The following TCF12 variants were observed in gnomAD, a reference collection of about 807,000 sequenced individuals.
TCF12 encodes the protein transcription factor 12, also known as DNA-binding protein HTF4.
A neutral mutation model predicts 86.0 loss-of-function variants in TCF12; 45 were observed. The ratio of observed to expected loss-of-function variants is 0.52; its 90% CI spans 0.41 to 0.67. The LOEUF is 0.67. TCF12 is among the 30% of genes least tolerant of loss of function. TCF12 has a pLI of 0.00. For missense variants in TCF12, 881 were observed against 859.9 expected, an observed-to-expected ratio of 1.02 and a Z score of -0.31; for synonymous variants, 330 against 299.6, an observed-to-expected ratio of 1.10 and a Z score of -1.05.
chr15:57,233,915 G>GAGT (rs1479120415), intron 11 of TCF12, 128 bp from the exon 12 acceptor site: 1 of 704,376 alleles, frequency 1.4e-6, no homozygotes, highest in Admixed American at 2.1e-5. Context: ...AACACATGTA[G>GAGT]AGTATTTCCT....
chr15:57,079,118 G>A (rs1445043422), intron 4 of TCF12, among the ~76,000 whole-genome samples: 2 of 152,172 alleles, frequency 1.3e-5, no homozygotes, highest in Non-Finnish European at 2.9e-5. Context: ...CTGAATTGAA[G>A]TGTAATTTTA....
chr15:57,135,962 T>A (rs1415303244), intron 5 of TCF12, among the ~76,000 whole-genome samples: 4 of 151,720 alleles, frequency 2.6e-5, no homozygotes, highest in Admixed American at 2.0e-4. Context: ...CTTGTAATGC[T>A]AAAAAAAACT....
intron 3 of TCF12, among the ~76,000 whole-genome samples, chr15:56,966,312 T>C (rs574211332): frequency 6.6e-6 from 1 of 152,208 alleles, no homozygotes; most frequent in South Asian, 2.1e-4. Context: ...GTTTTGCCAT[T>C]ACTTTCAATG....
At chr15:57,064,953 G>A (rs1266915619) in intron 4 of TCF12, among the ~76,000 whole-genome samples, 1 of 152,078 alleles carries the variant, frequency 6.6e-6, no homozygotes, top group Non-Finnish European at 1.5e-5. Flanking sequence ...TGCCTTAATG[G>A]GAGGAAAACT....
intron 5 of TCF12, among the ~76,000 whole-genome samples, chr15:57,165,282 A>G (rs2054802993): frequency 6.6e-6 from 1 of 152,182 alleles, no homozygotes; most frequent in Admixed American, 6.5e-5. Flanking sequence ...GGAATATTGT[A>G]TAGCAGTAAA....
At chr15:57,024,237 T>TG (rs2065681599) in intron 3 of TCF12, among the ~76,000 whole-genome samples, 1 of 125,694 alleles carries the variant, frequency 8.0e-6, no homozygotes, top group Non-Finnish European at 1.6e-5. Flanking sequence ...TTTTTTTTTT[T>TG]TTTGAGACGG....
intron 3 of TCF12, among the ~76,000 whole-genome samples, chr15:56,972,575 C>T (rs1206665330): frequency 1.3e-5 from 2 of 152,106 alleles, no homozygotes; most frequent in South Asian, 2.1e-4. Context: ...AGATAATATA[C>T]ATCTGTCTGC....
At chr15:57,035,754 T>C (rs1295661185) in intron 3 of TCF12, among the ~76,000 whole-genome samples, 1 of 152,132 alleles carries the variant, frequency 6.6e-6, no homozygotes, top group Admixed American at 6.5e-5. Context: ...TGAGGTCTTA[T>C]GGAATTAGAA....
chr15:57,192,128 A>G (rs1265523455), intron 6 of TCF12, 30 bp from the exon 7 acceptor site: 3 of 1,609,546 alleles, frequency 1.9e-6, no homozygotes, highest in African/African-American at 1.3e-5. Context: ...CAGCAGGAAA[A>G]TAACTTGTTT....
chr15:57,170,789 ATAAT>A (rs1236674748), intron 6 of TCF12, among the ~76,000 whole-genome samples: 2,138 of 42,820 alleles, frequency 0.05, 186 homozygotes, highest in Admixed American at 0.23. Context: ...ATATATATAT[ATAAT>A]ATATATATAT....
chr15:56,931,403 T>A (rs184582495), intron 3 of TCF12, among the ~76,000 whole-genome samples: 2 of 152,272 alleles, frequency 1.3e-5, no homozygotes, highest in Non-Finnish European at 2.9e-5. Context: ...AGTGTAGAAT[T>A]CTTTTCATTT....
chr15:56,958,573 A>G (rs2061594009), intron 3 of TCF12, among the ~76,000 whole-genome samples: 1 of 152,160 alleles, frequency 6.6e-6, no homozygotes, highest in Non-Finnish European at 1.5e-5. Context: ...ACTGGAGAGT[A>G]CAAATATAGA....
intron 3 of TCF12, among the ~76,000 whole-genome samples, chr15:56,999,501 A>G (rs2063899103): frequency 1.3e-5 from 2 of 152,178 alleles, no homozygotes; most frequent in African/African-American, 4.8e-5. Context: ...CTTAGGTGAA[A>G]TAGACTAATT....
chr15:57,279,126 C>G (rs1322067418), intron 19 of TCF12, among the ~76,000 whole-genome samples: 2 of 152,006 alleles, frequency 1.3e-5, no homozygotes, highest in Non-Finnish European at 2.9e-5. Context: ...CCCTCAGTAG[C>G]TGGGACTACA....
At chr15:56,990,599 C>A (rs1426358577) in intron 3 of TCF12, among the ~76,000 whole-genome samples, 3 of 151,900 alleles carry the variant, frequency 2.0e-5, no homozygotes, top group African/African-American at 7.3e-5. Flanking sequence ...GGGGTAAATT[C>A]TATTGCAGAT....
At chr15:57,233,965 C>A in intron 11 of TCF12, 78 bp from the exon 12 acceptor site, 1 of 1,149,448 alleles carries the variant, frequency 8.7e-7, no homozygotes, top group Non-Finnish European at 1.3e-6. Flanking sequence ...TAGAGAACAC[C>A]CTTGGAATAA....
intron 8 of TCF12, among the ~76,000 whole-genome samples, chr15:57,223,654 T>TTTTTTTTTTTTTTTTTG (rs2058723476): frequency 2.3e-5 from 3 of 129,964 alleles, no homozygotes; most frequent in Non-Finnish European, 3.3e-5. Flanking sequence ...TTTTTTTTTT[T>TTTTTTTTTTTTTTTTTG]TTTTTTTTTT....
chr15:57,172,733 T>G (rs540568489), intron 6 of TCF12, among the ~76,000 whole-genome samples: 1 of 151,618 alleles, frequency 6.6e-6, no homozygotes, highest in African/African-American at 2.4e-5. Flanking sequence ...CCGACACGAG[T>G]TTACCTATAT....
chr15:57,207,732 A>G (rs936850697), intron 8 of TCF12, among the ~76,000 whole-genome samples: 1 of 152,220 alleles, frequency 6.6e-6, no homozygotes, highest in Non-Finnish European at 1.5e-5. Context: ...AAGTTTTCTG[A>G]CTTGAGCTTG....
Sources: allele counts gnomAD v4.1 joint callset (sites outside exome capture counted in the v4.1 genomes callset), GRCh38; gene constraint gnomAD v4.1.1; transcripts MANE v1.5; gene names NCBI Gene and HGNC (gene_info 2026-07-23, HGNC 2026-07-21).